ILK: variants seen among roughly 807,000 people sequenced by gnomAD.
The protein encoded by ILK is integrin linked kinase.
In ILK, 37 loss-of-function variants were observed where a neutral mutation model predicts 57.8. The observed-to-expected ratio is 0.64, with a 90% CI of 0.49 to 0.84. The LOEUF is 0.84. Among genes scored for constraint, ILK ranks in the 40% least tolerant of loss-of-function variants. ILK has a pLI of 0.00. For missense variants in ILK, 528 were observed against 595.7 expected (o/e 0.89, Z 1.18); for synonymous variants, 231 against 202.2 (o/e 1.14, Z -1.21).
Position 6,608,501 on chromosome 11 carries a change from G to C in ILK, c.351+12G>C. On this transcript the variant is annotated intron_variant, in intron 4 of 12. Coordinates refer to ENST00000299421, the MANE Select transcript of ILK (RefSeq NM_004517.4). The surrounding 1 kb of genome is among the most constrained non-coding windows in gnomAD (Gnocchi z 4.9). Reference sequence around the variant, plus strand: ...ATCAAGTGGCAGAGGTGAGTACTCAGCCCTTAATTCCTGAGATGGGTAGGA... The same window carrying C: ...ATCAAGTGGCAGAGGTGAGTACTCACCCCTTAATTCCTGAGATGGGTAGGA... The C allele has an allele frequency of 6.2e-7, 1 of 1,604,422 alleles. No homozygotes were observed. Among genetic ancestry groups the C allele is most frequent in the Non-Finnish European group, 8.5e-7 (1 of 1,171,196 alleles).
In ILK at chr11:6,609,925, C is replaced by T; in HGVS notation, c.979-11C>T. Reference sequence around the variant, plus strand: ...TGACTTACCTCCTTCTATCTGTTTTCTCTTCCTCAGATTGATGAGGACATG... The same window carrying T: ...TGACTTACCTCCTTCTATCTGTTTTTTCTTCCTCAGATTGATGAGGACATG... On this transcript the variant is annotated splice_polypyrimidine_tract_variant and intron_variant, in intron 10 of 12. Coordinates refer to ENST00000299421, the MANE Select transcript of ILK (RefSeq NM_004517.4). The T allele has an allele frequency of 1.2e-6, 2 of 1,614,170 alleles. No homozygotes were observed. Among genetic ancestry groups the T allele is most frequent in the East Asian group, 2.2e-5 (1 of 44,890 alleles).
At chr11:6,610,376 T>C in intron 12 of ILK, 86 bp from the exon 13 acceptor site, 1 of 1,612,966 alleles carries the variant, frequency 6.2e-7, no homozygotes, top group Non-Finnish European at 8.5e-7. Flanking sequence ...TGTTCGGATA[T>C]ACAGTAATCC....
chr11:6,605,566 C>T (rs1316605265), intron 2 of ILK, among the ~76,000 whole-genome samples: 1 of 151,184 alleles, frequency 6.6e-6, no homozygotes, highest in East Asian at 1.9e-4. Flanking sequence ...GATGGGTAAA[C>T]TCAGGTCATG....
intron 7 of ILK, 69 bp from the exon 8 acceptor site, chr11:6,609,230 T>C: frequency 1.2e-6 from 2 of 1,603,008 alleles, no homozygotes; most frequent in Non-Finnish European, 1.7e-6. Flanking sequence ...TTTTAAGTTT[T>C]TCCTCCAGTT....
intron 1 of ILK, 121 bp downstream of exon 1, chr11:6,603,943 A>C (rs1854556216): frequency 4.0e-6 from 2 of 497,130 alleles, no homozygotes; most frequent in South Asian, 4.3e-5. Context: ...CGGAGCCTGA[A>C]CCTCCCCACT....
chr11:6,609,719 C>T lies in ILK; in HGVS notation c.857-5C>T. The T allele has an allele frequency of 6.2e-7, 1 of 1,614,190 alleles. No individual in the cohort carries two copies. The highest frequency in any genetic ancestry group is 1.1e-5 in the South Asian group (1 of 91,084). On this transcript the variant is annotated splice_region_variant and splice_polypyrimidine_tract_variant and intron_variant, in intron 9 of 12. Transcript: ENST00000299421. The stretch of plus-strand genomic sequence containing the variant: ...CTGAACTATTTGACTTTTGCCTCCT[C>T]TCAGATTTCGTCGTGGACCAGAGCC...
intron 2 of ILK, 107 bp downstream of exon 2, chr11:6,604,467 A>AT: frequency 1.0e-6 from 1 of 977,804 alleles, no homozygotes; most frequent in East Asian, 2.6e-5. Flanking sequence ...AGCCAGTGTA[A>AT]TGAGTGCTAA....
At position 6,609,091 on chromosome 11, in the gene ILK, C is replaced by T; in HGVS notation, c.553C>T (p.His185Tyr). The T allele has an allele frequency of 6.2e-7, 1 of 1,614,180 alleles. No individual in the cohort carries two copies. The highest frequency in any genetic ancestry group is 8.5e-7 in the Non-Finnish European group (1 of 1,180,010). Residue 185 changes from histidine to tyrosine, a missense_variant, in exon 7 of 13, where the codon CAC (histidine) becomes TAC (tyrosine). Transcript: ENST00000299421. ...TRPRNGTLNK[H>Y]SGIDFKQLNF... is the part of the protein sequence containing the mutation. Reference sequence around the variant, plus strand: ...CTTAGGAAATGGAACCCTGAACAAACACTCTGGCATTGACTTCAAACAGCT... The same window carrying T: ...CTTAGGAAATGGAACCCTGAACAAATACTCTGGCATTGACTTCAAACAGCT...
In ILK at chr11:6,609,477, T is replaced by C. The variant is rs200391389; in HGVS notation, c.729-35T>C. 173 of 1,614,130 alleles carry C rather than the reference T, an allele frequency of 1.1e-4. 1 individual carries two copies. In the East Asian group the frequency reaches 1.2e-3, roughly 12 times the overall value. On this transcript the variant is annotated intron_variant, in intron 8 of 12. Transcript: ENST00000299421. ...CTGAATAGCACTGAAAGAGATCTTTTGTACTGGGTCTCAACCACTCCCTCC... is the reference window on the plus strand; with the variant it reads ...CTGAATAGCACTGAAAGAGATCTTTCGTACTGGGTCTCAACCACTCCCTCC...
At position 6,609,989 on chromosome 11, in the gene ILK, C is replaced by T. The variant is rs1358304642; in HGVS notation, c.1032C>T (p.Phe344=). The change falls in exon 11 of 13, where the codon TTC becomes TTT. Residue 344 remains phenylalanine (F), a synonymous_variant. Coordinates refer to ENST00000299421, the MANE Select transcript of ILK (RefSeq NM_004517.4). The stretch of plus-strand genomic sequence containing the variant: ...GCATGGCTGATGTCAAGTTCTCTTT[C>T]CAATGTCCTGGTCGCATGTATGCAC... ...RISMADVKFS[F]QCPGRMYAPA... The T allele has an allele frequency of 1.2e-5, 20 of 1,614,194 alleles. No individual in the cohort carries two copies. The highest frequency in any genetic ancestry group is 1.6e-5 in the Non-Finnish European group (19 of 1,180,044).
rs183160844 is a variant in ILK, at chr11:6,609,011, C to T, written c.532+44C>T. 314 of 1,612,642 alleles carry T rather than the reference C, an allele frequency of 1.9e-4. 2 individuals carry two copies. The African/African-American group carries it at 3.6e-3, about 19-fold the overall frequency. Reference sequence around the variant, plus strand: ...AAGAAGGGTTGTAAAAGGAAATAATCCTGGCCTCTTGGGGCTGGGTTAGGG... The same window carrying T: ...AAGAAGGGTTGTAAAAGGAAATAATTCTGGCCTCTTGGGGCTGGGTTAGGG... On this transcript the variant is annotated intron_variant, in intron 6 of 12. Coordinates refer to ENST00000299421, the MANE Select transcript of ILK (RefSeq NM_004517.4).
At chr11:6,607,885 A>C in intron 2 of ILK, 161 bp from the exon 3 acceptor site, 1 of 680,670 alleles carries the variant, frequency 1.5e-6, no homozygotes, top group Middle Eastern at 4.0e-4. Context: ...GCTCAGGGGA[A>C]GGTCTGAAAT....
At position 6,608,331 on chromosome 11, in the gene ILK, A is replaced by C; in HGVS notation, c.256-63A>C. 6.4e-7 allele frequency: 1 copy of C among 1,571,962 alleles called. No homozygotes were observed. The highest frequency in any genetic ancestry group is 8.8e-7 in the Non-Finnish European group (1 of 1,141,754). On this transcript the variant is annotated intron_variant, in intron 3 of 12. Transcript: ENST00000299421. The surrounding 1 kb of genome is among the most constrained non-coding windows in gnomAD (Gnocchi z 4.9). ...CCCCCTTTTCCCATGCCCTGACACC[A>C]GTATCTCATTTGGAACTGACTGTAC... is the stretch of plus-strand genomic sequence containing the variant.
intron 2 of ILK, 98 bp downstream of exon 2, chr11:6,604,458 GC>G: frequency 9.0e-7 from 1 of 1,111,732 alleles, no homozygotes; most frequent in Non-Finnish European, 1.3e-6. Context: ...GCCTTTGCTA[GC>G]CAGTGTAATG....
intron 2 of ILK, chr11:6,605,052 T>C (rs1355498451): frequency 5.7e-6 from 2 of 352,236 alleles, no homozygotes; most frequent in African/African-American, 4.3e-5. Context: ...GGGTTCTGGC[T>C]TGGGAACTTG....
rs1855318373 is a variant in ILK, at chr11:6,609,815, A to G, written c.948A>G (p.Pro316=). The change falls in exon 10 of 13, where the codon CCA becomes CCG. Residue 316 remains proline (P), a synonymous_variant. Coordinates refer to ENST00000299421, the MANE Select transcript of ILK (RefSeq NM_004517.4). ...TACACACACTAGAGCCCCTCATCCC[A>G]CGACATGCACTCAATAGCCGTAGTG... ...AFLHTLEPLI[P]RHALNSRSVM... The G allele has an allele frequency of 6.2e-7, 1 of 1,614,146 alleles. No homozygotes were observed. The highest frequency in any genetic ancestry group is 2.2e-5 in the East Asian group (1 of 44,880).
intron 1 of ILK, 51 bp from the exon 2 acceptor site, chr11:6,604,129 G>A: frequency 1.3e-6 from 1 of 751,842 alleles, no homozygotes; most frequent in Non-Finnish European, 2.3e-6. Context: ...CCACTAGCCG[G>A]GGACGCAGCT....
Position 6,608,877 on chromosome 11 carries a change from TCC to T in ILK, c.449-5_449-4del. 1.2e-6 allele frequency: 2 copies of T among 1,614,138 alleles called. No homozygotes were observed. Among genetic ancestry groups the T allele is most frequent in the South Asian group, 2.2e-5 (2 of 91,088 alleles). ...GTACCACAGCTTAGGTTGTTTTTCT[TCC>T]CTAGAGCGGGCAGAGAAGATGGGCC... is the stretch of plus-strand genomic sequence containing the variant. On this transcript the variant is annotated splice_region_variant and splice_polypyrimidine_tract_variant and intron_variant, in intron 5 of 12. Coordinates refer to ENST00000299421, the MANE Select transcript of ILK (RefSeq NM_004517.4). The surrounding 1 kb of genome is among the most constrained non-coding windows in gnomAD (Gnocchi z 4.9).
rs751329555 is a variant in ILK at position 6,610,172 on chromosome 11, C to T, written c.1103C>T (p.Thr368Ile). 2 of 1,614,226 alleles carry T rather than the reference C, an allele frequency of 1.2e-6. No individual in the cohort carries two copies. The highest frequency in any genetic ancestry group is 1.3e-5 in the African/African-American group (1 of 75,054). ...PEALQKKPED[T>I]NRRSADMWSF... ...GCTCTGCAGAAGAAGCCTGAAGACA[C>T]AAACAGACGCTCAGCAGACATGTGG... is the stretch of plus-strand genomic sequence containing the variant. The change falls in exon 12 of 13, where the codon ACA becomes ATA. Residue 368 changes from threonine (T) to isoleucine (I), a missense_variant. Thr to Ile is a moderately conservative substitution (Grantham distance 89). Coordinates refer to ENST00000299421, the MANE Select transcript of ILK (RefSeq NM_004517.4).
Sources: allele counts gnomAD v4.1 joint callset (sites outside exome capture counted in the v4.1 genomes callset), GRCh38; gene constraint gnomAD v4.1.1; non-coding constraint Gnocchi (gnomAD v3.1); transcripts MANE v1.5; gene names NCBI Gene and HGNC (gene_info 2026-07-23, HGNC 2026-07-21).